The following HDDC2 variants were observed in gnomAD, a reference collection of about 807,000 sequenced individuals.
The protein encoded by HDDC2 is 5'-deoxynucleotidase HDDC2.
HDDC2 carries 25 observed loss-of-function variants against 25.5 expected under a neutral mutation model. That is an observed-to-expected ratio of 0.98 (90% CI 0.72 to 1.37). The LOEUF is 1.37. Among genes scored for constraint, HDDC2 ranks in the 40% most tolerant of loss-of-function variants. The pLI, the probability that HDDC2 is intolerant of heterozygous loss-of-function variation, is 0.00. For missense variants in HDDC2, 264 were observed against 253.1 expected (o/e 1.04, Z -0.29); for synonymous variants, 106 against 89.7 (o/e 1.18, Z -1.03).
intron 5 of HDDC2, 113 bp downstream of exon 5, chr6:125,276,989 C>T: frequency 9.9e-7 from 1 of 1,014,414 alleles, no homozygotes. Flanking sequence ...AGATGCTCCA[C>T]ATGAAAGGGT....
In HDDC2 at chr6:125,276,607, TTAAG is replaced by T. The variant is rs1798373387; in HGVS notation, c.518-368_518-365del. ...ATCTCTGCCCATTCCAAACCTGCAA[TTAAG>T]TAAGGAGAATGAAGCACCTATATAT... On this transcript the variant is annotated intron_variant, in intron 5 of 5. Transcript: ENST00000398153. The T allele has an allele frequency of 1.8e-5, 5 of 274,606 alleles. No individual in the cohort carries two copies. The South Asian group carries it at 2.8e-4, about 15-fold the overall frequency. 17.0% of individuals were successfully genotyped at this position (274,606 alleles called of 1,614,324 possible).
chr6:125,300,396 A>C lies in HDDC2; in HGVS notation c.206+142T>G, dbSNP rs1021470095. On this transcript the variant is annotated intron_variant, in intron 2 of 5. Coordinates refer to ENST00000398153, the MANE Select transcript of HDDC2 (RefSeq NM_016063.3). ...ACTGAGGCAACATAACCCACATCCT[A>C]AATTTGTATGGTTTGCTTCAAATAA... 8 of 1,033,360 alleles carry C rather than the reference A, an allele frequency of 7.7e-6. No individual in the cohort carries two copies. The South Asian group carries it at 1.6e-4, about 21-fold the overall frequency. The allele number at this position is 1,033,360 out of a possible 1,614,324, so 64.0% of individuals were successfully genotyped here. A position where few individuals can be genotyped will look rare whatever the true frequency, so the allele number is the denominator to read the frequency against.
At chr6:125,286,037 G>A (rs1468448519) in intron 4 of HDDC2, among the ~76,000 whole-genome samples, 1 of 152,110 alleles carries the variant, frequency 6.6e-6, no homozygotes, top group Non-Finnish European at 1.5e-5. Context: ...TTCAAGAAAA[G>A]AAACTGGGAA....
rs1386162020 is a variant in HDDC2, at chr6:125,289,000, T to C, written c.378+3841A>G. Among the ~76,000 whole-genome samples, 11 of 117,226 alleles carry C rather than the reference T, an allele frequency of 9.4e-5. No homozygotes were observed. In the East Asian group the frequency reaches 2.5e-3, roughly 27 times the overall value. 76.9% of individuals were successfully genotyped at this position (117,226 alleles called of 152,430 possible). On this transcript the variant is annotated intron_variant, in intron 4 of 5. Coordinates refer to ENST00000398153, the MANE Select transcript of HDDC2 (RefSeq NM_016063.3). ...TACTGGGTATATACCCAAAGGACTA[T>C]AAATCATGCTGCTATAAAGACACAT...
chr6:125,300,706 A>C (rs778664754), intron 1 of HDDC2, 47 bp from the exon 2 acceptor site: 1 of 1,574,326 alleles, frequency 6.4e-7, no homozygotes, highest in Non-Finnish European at 8.7e-7. Context: ...ACAAATATTA[A>C]CTATCTGCTA....
Position 125,298,798 on chromosome 6 carries a change from C to A in HDDC2, c.225G>T (p.Leu75=). 6.2e-7 allele frequency: 1 copy of A among 1,613,832 alleles called. No individual in the cohort carries two copies. The highest frequency in any genetic ancestry group is 8.5e-7 in the Non-Finnish European group (1 of 1,179,814). The part of the protein sequence containing the change: ...LNKDRCVRLA[L]VHDMAECIVG... ...CGATGCATTCTGCCATATCATGAAC[C>A]AGGGCTAGGCGTACACATCTGATCA... The change falls in exon 3 of 6, where the codon CTG becomes CTT. Residue 75 remains leucine (L), a synonymous_variant. Coordinates refer to ENST00000398153, the MANE Select transcript of HDDC2 (RefSeq NM_016063.3).
chr6:125,298,764 T>C lies in HDDC2; in HGVS notation c.259A>G (p.Ile87Val), dbSNP rs1798748294. The C allele has an allele frequency of 1.2e-6, 2 of 1,614,174 alleles. No individual in the cohort carries two copies. Among genetic ancestry groups the C allele is most frequent in the Non-Finnish European group, 1.7e-6 (2 of 1,180,022 alleles). ...HDMAECIVGD[I>V]APADNIPKEE... ...TTGGGGATGTTATCTGCTGGTGCTA[T>C]GTCCCCAACGATGCATTCTGCCATA... is the stretch of plus-strand genomic sequence containing the variant. The change falls in exon 3 of 6, where the codon ATA becomes GTA. Residue 87 changes from isoleucine to valine, a missense_variant. Ile to Val is a conservative substitution (Grantham distance 29, BLOSUM62 3). Coordinates refer to ENST00000398153, the MANE Select transcript of HDDC2 (RefSeq NM_016063.3).
chr6:125,295,185 T>C (rs76587559), intron 3 of HDDC2, among the ~76,000 whole-genome samples: 4,680 of 152,298 alleles, frequency 0.031, 216 homozygotes, highest in African/African-American at 0.11. Context: ...ACTTCTATAC[T>C]GAGTTTCACC....
chr6:125,286,596 A>G (rs1477922762), intron 4 of HDDC2, among the ~76,000 whole-genome samples: 1 of 152,234 alleles, frequency 6.6e-6, no homozygotes, highest in Non-Finnish European at 1.5e-5. Flanking sequence ...CTGAATTTGA[A>G]TTGAAAACAT....
chr6:125,285,429 C>A (rs1798518953), intron 4 of HDDC2, among the ~76,000 whole-genome samples: 1 of 151,884 alleles, frequency 6.6e-6, no homozygotes, highest in African/African-American at 2.4e-5. Flanking sequence ...ACACAAGGAA[C>A]ACAAGGGTAA....
intron 4 of HDDC2, among the ~76,000 whole-genome samples, chr6:125,282,579 C>A (rs1462437792): frequency 6.6e-6 from 1 of 152,158 alleles, no homozygotes; most frequent in Non-Finnish European, 1.5e-5. Context: ...ATGCAAAGAA[C>A]ATCGACACTA....
intron 2 of HDDC2, 107 bp from the exon 3 acceptor site, chr6:125,298,923 TCA>T (rs1798752224): frequency 3.0e-6 from 2 of 665,498 alleles, no homozygotes; most frequent in African/African-American, 1.8e-5. Context: ...TTCTCCACCC[TCA>T]CAGAGTATTT....
At chr6:125,285,365 G>T (rs1294587354) in intron 4 of HDDC2, among the ~76,000 whole-genome samples, 1 of 152,008 alleles carries the variant, frequency 6.6e-6, no homozygotes, top group East Asian at 1.9e-4. Flanking sequence ...TAAGAACAGT[G>T]AAATGTAAGA....
chr6:125,301,801 A>G (rs1308334352), intron 1 of HDDC2, 48 bp downstream of exon 1: 1 of 1,414,384 alleles, frequency 7.1e-7, no homozygotes, highest in Non-Finnish European at 9.6e-7. Flanking sequence ...CCGCCGCCCC[A>G]CAGTCCCGCC....
In HDDC2 at chr6:125,283,159, C is replaced by A. The variant is rs530107554; in HGVS notation, c.379-5919G>T. Among the ~76,000 whole-genome samples the A allele has an allele frequency of 7.2e-5, 11 of 152,278 alleles. No homozygotes were observed. The South Asian group carries it at 2.1e-3, about 29-fold the overall frequency. On this transcript the variant is annotated intron_variant, in intron 4 of 5. Transcript: ENST00000398153. ...CTCAATAAACTAGGTACTGATGGAA[C>A]ATATCTCAAAATAATAAGAGCTATT...
At chr6:125,300,512 G>A (rs758801376) in intron 2 of HDDC2, 26 bp downstream of exon 2, 17 of 1,609,164 alleles carry the variant, frequency 1.1e-5, no homozygotes, top group East Asian at 4.5e-5. Flanking sequence ...AATCTCTCAC[G>A]AGCATCAAAG....
chr6:125,300,902 T>C (rs1798790057), intron 1 of HDDC2, among the ~76,000 whole-genome samples: 1 of 135,666 alleles, frequency 7.4e-6, no homozygotes. Context: ...TTCGTCAAAT[T>C]ATTCTGTTAC....
At chr6:125,290,594 G>T (rs556294953) in intron 4 of HDDC2, among the ~76,000 whole-genome samples, 1 of 152,256 alleles carries the variant, frequency 6.6e-6, no homozygotes, top group East Asian at 1.9e-4. Flanking sequence ...GATGAGAGCG[G>T]ACCCTTATTC....
At chr6:125,276,292 A>G (rs1467725803) in intron 5 of HDDC2, 49 bp from the exon 6 acceptor site, 19 of 1,234,766 alleles carry the variant, frequency 1.5e-5, no homozygotes, top group Non-Finnish European at 2.2e-5. Flanking sequence ...TTGACAAGAG[A>G]GTATATTCAT....
Sources: gnomAD v4.1 joint callset for allele counts (sites outside exome capture counted in the v4.1 genomes callset) on GRCh38, gnomAD v4.1.1 for gene constraint, MANE v1.5 for transcripts, NCBI Gene and HGNC (gene_info 2026-07-23, HGNC 2026-07-21) for gene names.